The following PRKG1 variants were observed in gnomAD, a reference collection of about 807,000 sequenced individuals.
PRKG1 encodes the protein protein kinase cGMP-dependent 1, also known as cGMP-dependent protein kinase 1.
PRKG1 carries 35 observed loss-of-function variants against 88.1 expected under a neutral mutation model. The observed-to-expected ratio is 0.40, with a 90% CI of 0.30 to 0.53. The LOEUF (loss-of-function observed/expected upper bound fraction) is 0.53, where lower values mean the gene tolerates loss of function less well. Ranked by LOEUF, PRKG1 falls within the 20% of genes least tolerant of loss-of-function variation. The pLI, the probability that PRKG1 is intolerant of heterozygous loss-of-function variation, is 0.59. For missense variants in PRKG1, 540 were observed against 839.8 expected, an observed-to-expected ratio of 0.64 and a Z score of 4.41; for synonymous variants, 303 against 292.5, an observed-to-expected ratio of 1.04 and a Z score of -0.37.
In PRKG1 at chr10:51,399,165, T is replaced by A. The variant is rs187745692; in HGVS notation, c.479-68558T>A. 1.6e-3 allele frequency among the ~76,000 whole-genome samples: 237 copies of A among 151,896 alleles called. 1 individual carries two copies. Among genetic ancestry groups the A allele is most frequent in the African/African-American group, 5.6e-3 (233 of 41,480 alleles). ...TGTATAAATAAGATACATAAAGATATAAGATGTGTTATATATTAATATTAT... is the reference window on the plus strand; with the variant it reads ...TGTATAAATAAGATACATAAAGATAAAAGATGTGTTATATATTAATATTAT... On this transcript the variant is annotated intron_variant, in intron 2 of 17. Transcript: ENST00000373980.
chr10:51,746,308 A>C (rs918990434), intron 3 of PRKG1, among the ~76,000 whole-genome samples: 3 of 152,060 alleles, frequency 2.0e-5, no homozygotes, highest in African/African-American at 4.8e-5. Flanking sequence ...CATTTAAAAA[A>C]AAAAAAAACT....
At chr10:51,211,377 C>A (rs1023767034) in intron 2 of PRKG1, among the ~76,000 whole-genome samples, 1 of 152,140 alleles carries the variant, frequency 6.6e-6, no homozygotes, top group Admixed American at 6.5e-5. Flanking sequence ...TGGACAAAAA[C>A]TGGAAGCATT....
At chr10:51,723,363 A>G (rs1407907062) in intron 3 of PRKG1, among the ~76,000 whole-genome samples, 1 of 152,204 alleles carries the variant, frequency 6.6e-6, no homozygotes, top group African/African-American at 2.4e-5. Flanking sequence ...TCAGCAAACT[A>G]ATACACGAAT....
chr10:51,051,491 G>A (rs1004741994), intron 1 of PRKG1, among the ~76,000 whole-genome samples: 14 of 151,994 alleles, frequency 9.2e-5, no homozygotes, highest in Admixed American at 6.6e-4. Flanking sequence ...TCAATAAAAT[G>A]TACTCCCTTC....
chr10:51,406,795 TAGTC>T (rs748977126), intron 2 of PRKG1, among the ~76,000 whole-genome samples: 7 of 152,148 alleles, frequency 4.6e-5, no homozygotes, highest in South Asian at 2.1e-4. Flanking sequence ...AACCCTGTAT[TAGTC>T]AGAGTTCTCT....
chr10:52,215,532 G>A (rs1300296023), intron 9 of PRKG1, among the ~76,000 whole-genome samples: 2 of 152,248 alleles, frequency 1.3e-5, no homozygotes, highest in East Asian at 1.9e-4. Context: ...TCAGGTCAGT[G>A]TACTTTTCAA....
chr10:52,097,517 T>C (rs1200580466), intron 7 of PRKG1, among the ~76,000 whole-genome samples: 1 of 152,140 alleles, frequency 6.6e-6, no homozygotes, highest in Non-Finnish European at 1.5e-5. Flanking sequence ...CAAAATTTAA[T>C]CTAGCCAGTG....
chr10:51,051,953 T>A (rs1272227798), intron 1 of PRKG1, among the ~76,000 whole-genome samples: 6 of 152,144 alleles, frequency 3.9e-5, no homozygotes, highest in Admixed American at 6.6e-5. Flanking sequence ...TAAAATACTT[T>A]GATAAATAAA....
intron 3 of PRKG1, among the ~76,000 whole-genome samples, chr10:51,723,621 A>AAAAAAAG (rs55695811): frequency 0.41 from 62,024 of 150,628 alleles, 13,195 homozygotes; most frequent in Middle Eastern, 0.52. Flanking sequence ...GCATGACAAA[A>AAAAAAAG]AAAAAGAAAA....
At chr10:51,380,537 C>T (rs1837056136) in intron 2 of PRKG1, among the ~76,000 whole-genome samples, 1 of 152,172 alleles carries the variant, frequency 6.6e-6, no homozygotes. Flanking sequence ...CAGTGGCTCA[C>T]ACCTGTAATC....
intron 7 of PRKG1, among the ~76,000 whole-genome samples, chr10:52,070,533 C>A (rs977009080): frequency 1.3e-5 from 2 of 151,998 alleles, no homozygotes; most frequent in African/African-American, 4.8e-5. Context: ...TTTTTTCAAT[C>A]CTAGAAAATT....
chr10:52,168,147 T>C (rs1043669362), intron 9 of PRKG1, among the ~76,000 whole-genome samples: 4 of 152,214 alleles, frequency 2.6e-5, no homozygotes, highest in Non-Finnish European at 5.9e-5. Context: ...AATAGATAAG[T>C]TTCTTGCCTT....
At position 51,034,664 on chromosome 10, in the gene PRKG1, TTATTTATA is replaced by T. The variant is rs1438542426; in HGVS notation, c.266+43024_266+43031del. Among the ~76,000 whole-genome samples the T allele has an allele frequency of 1.7e-3, 17 of 9,946 alleles. 1 individual carries two copies. In the East Asian group the frequency reaches 0.033, roughly 19 times the overall value. 6.5% of individuals were successfully genotyped at this position (9,946 alleles called of 152,430 possible). ...AATAAGCAAAATTATATATAATATG[TTATTTATA>T]TATATATATATATATATATATATAT... is the stretch of plus-strand genomic sequence containing the variant. On this transcript the variant is annotated intron_variant, in intron 1 of 17. Transcript: ENST00000401604.
At chr10:51,535,065 G>A (rs1842113482) in intron 3 of PRKG1, among the ~76,000 whole-genome samples, 3 of 152,146 alleles carry the variant, frequency 2.0e-5, no homozygotes, top group African/African-American at 7.2e-5. Flanking sequence ...GAAAGGATAG[G>A]GGTACTTTGG....
At chr10:52,180,238 A>C (rs1007719817) in intron 9 of PRKG1, among the ~76,000 whole-genome samples, 1 of 152,150 alleles carries the variant, frequency 6.6e-6, no homozygotes, top group African/African-American at 2.4e-5. Flanking sequence ...TTATTAATTA[A>C]ATTCTTGAGC....
intron 2 of PRKG1, among the ~76,000 whole-genome samples, chr10:51,201,027 C>T (rs549784631): frequency 3.9e-5 from 6 of 152,312 alleles, no homozygotes; most frequent in African/African-American, 1.4e-4. Flanking sequence ...TGAAAAGGAT[C>T]ACTTTTCATC....
chr10:51,127,033 G>A lies in PRKG1; in HGVS notation c.312-26131G>A, dbSNP rs147946110. Among the ~76,000 whole-genome samples the A allele has an allele frequency of 2.2e-3, 341 of 152,198 alleles. 3 individuals are homozygous for A. Among genetic ancestry groups the A allele is most frequent in the African/African-American group, 7.6e-3 (317 of 41,532 alleles). On this transcript the variant is annotated intron_variant, in intron 1 of 17. Coordinates refer to ENST00000373980, the MANE Select transcript of PRKG1 (RefSeq NM_006258.4). ...CCTAGAAGAAAACCTAGGCAATACC[G>A]TTCAAGATGTAGGCATGGACAAAGA...
At chr10:51,020,859 A>G (rs1438913898) in intron 1 of PRKG1, among the ~76,000 whole-genome samples, 1 of 152,184 alleles carries the variant, frequency 6.6e-6, no homozygotes, top group Admixed American at 6.5e-5. Context: ...TGATTTATCC[A>G]TTGAATTTAT....
intron 3 of PRKG1, among the ~76,000 whole-genome samples, chr10:51,526,394 C>A (rs118121344): frequency 6.6e-6 from 1 of 152,064 alleles, no homozygotes; most frequent in Non-Finnish European, 1.5e-5. Flanking sequence ...TTAAAAGCAG[C>A]GCTAAAACCT....
Sources: gnomAD v4.1 joint callset for allele counts (sites outside exome capture counted in the v4.1 genomes callset) on GRCh38, gnomAD v4.1.1 for gene constraint, MANE v1.5 for transcripts, NCBI Gene and HGNC (gene_info 2026-07-23, HGNC 2026-07-21) for gene names.